Variants in DDX31 observed in about 807,000 individuals in gnomAD.
DDX31 encodes the protein DEAD-box helicase 31.
DDX31 carries 70 observed loss-of-function variants against 91.3 expected under a neutral mutation model. The observed-to-expected ratio is 0.77, with a 90% CI of 0.63 to 0.94. The LOEUF (loss-of-function observed/expected upper bound fraction) is 0.94. DDX31 is among the 40% of genes least tolerant of loss of function. The pLI is 0.00. For missense variants in DDX31, 902 were observed against 925.0 expected, an observed-to-expected ratio of 0.98 and a Z score of 0.32; for synonymous variants, 362 against 350.6, an observed-to-expected ratio of 1.03 and a Z score of -0.36.
intron 1 of DDX31, among the ~76,000 whole-genome samples, chr9:132,668,560 G>A (rs1835468923): frequency 7.8e-6 from 1 of 128,074 alleles, no homozygotes; most frequent in Non-Finnish European, 1.6e-5. Flanking sequence ...CAAGGTGGTC[G>A]GGGTGCAGCT....
chr9:132,618,122 G>A (rs751930135), intron 18 of DDX31, among the ~76,000 whole-genome samples: 2 of 152,150 alleles, frequency 1.3e-5, no homozygotes, highest in African/African-American at 2.4e-5. Context: ...GCAAAACATG[G>A]GGAAGGATGA....
chr9:132,666,594 C>T (rs1835322383), intron 1 of DDX31, among the ~76,000 whole-genome samples: 1 of 152,128 alleles, frequency 6.6e-6, no homozygotes, highest in South Asian at 2.1e-4. Flanking sequence ...TCTCTGCTCA[C>T]TGCAACCTCC....
chr9:132,634,196 A>C (rs984312038), intron 14 of DDX31, among the ~76,000 whole-genome samples: 5 of 152,210 alleles, frequency 3.3e-5, no homozygotes, highest in African/African-American at 4.8e-5. Flanking sequence ...TGGCTTTAAC[A>C]ATGAATTCTT....
chr9:132,613,511 T>C (rs1169472036), intron 18 of DDX31, among the ~76,000 whole-genome samples: 1 of 152,068 alleles, frequency 6.6e-6, no homozygotes, highest in Non-Finnish European at 1.5e-5. Context: ...CTGGCCAACA[T>C]GGTGAAACCC....
chr9:132,659,589 C>T, intron 5 of DDX31, 121 bp downstream of exon 5: 2 of 867,172 alleles, frequency 2.3e-6, no homozygotes, highest in South Asian at 3.2e-5. Context: ...AAAGCATGGC[C>T]TCCCTCCCCC....
At chr9:132,639,396 T>C (rs1390931417) in intron 14 of DDX31, among the ~76,000 whole-genome samples, 1 of 152,130 alleles carries the variant, frequency 6.6e-6, no homozygotes, top group African/African-American at 2.4e-5. Context: ...TGGAGTGACC[T>C]GGACTAGAAA....
chr9:132,594,940 G>A lies in DDX31; in HGVS notation c.2167C>T (p.Arg723Cys), dbSNP rs377747166. The change falls in exon 20 of 20, where the codon CGT (arginine) becomes TGT (cysteine). Residue 723 changes from arginine to cysteine, a missense_variant. By Grantham distance (180) the Arg-to-Cys change is radical. Coordinates refer to ENST00000372159, the MANE Select transcript of DDX31 (RefSeq NM_022779.9). ...HSLQPTPCFG[R>C]GKTLKWRKTQ... is the part of the protein sequence containing the mutation. ...TTTCTCCATTTTAATGTTTTCCCAC[G>A]GCCAAAGCAGGGTGTCGGCTGCAGA... 8 of 1,613,992 alleles carry A rather than the reference G, an allele frequency of 5.0e-6. No individual in the cohort carries two copies. Among genetic ancestry groups the A allele is most frequent in the Non-Finnish European group, 3.4e-6 (4 of 1,180,038 alleles).
chr9:132,630,432 TCATA>T (rs1379077118), intron 15 of DDX31, 29 bp from the exon 16 acceptor site: 1 of 1,569,774 alleles, frequency 6.4e-7, no homozygotes, highest in South Asian at 1.1e-5. Context: ...ATGAAGGCAT[TCATA>T]GATCAAGGGA....
rs1168334593 is a variant in DDX31, at chr9:132,662,625, G to C, written c.146C>G (p.Thr49Ser). The C allele has an allele frequency of 6.2e-7, 1 of 1,614,106 alleles. No homozygotes were observed. The highest frequency in any genetic ancestry group is 8.5e-7 in the Non-Finnish European group (1 of 1,180,042). The change falls in exon 2 of 20, where the codon ACT becomes AGT. Residue 49 changes from threonine (T) to serine (S), a missense_variant. Coordinates refer to ENST00000372159, the MANE Select transcript of DDX31 (RefSeq NM_022779.9). Reference sequence around the variant, plus strand: ...AGTTTTCTTGGCTGGGAGAAATGAAGTTTCGTTCCTCCGTTTCGCTGGGGG... The same window carrying C: ...AGTTTTCTTGGCTGGGAGAAATGAACTTTCGTTCCTCCGTTTCGCTGGGGG... ...EAPPAKRRNE[T>S]SFLPAKKTSV... is the part of the protein sequence containing the mutation.
intron 15 of DDX31, 71 bp downstream of exon 15, chr9:132,631,970 T>C: frequency 2.9e-6 from 4 of 1,373,120 alleles, no homozygotes; most frequent in Non-Finnish European, 4.1e-6. Context: ...TTATTCTACT[T>C]AAAGCCAATG....
intron 19 of DDX31, 65 bp downstream of exon 19, chr9:132,612,022 A>G (rs906322213): frequency 6.4e-7 from 1 of 1,556,946 alleles, no homozygotes; most frequent in African/African-American, 1.4e-5. Context: ...CATGGCAGCT[A>G]GCACATCACA....
intron 18 of DDX31, among the ~76,000 whole-genome samples, chr9:132,616,344 G>C (rs892412267): frequency 3.9e-5 from 6 of 152,160 alleles, no homozygotes; most frequent in African/African-American, 1.4e-4. Context: ...AAAGACAAGT[G>C]ACCCTGCTTG....
At position 132,630,276 on chromosome 9, in the gene DDX31, G is replaced by T. The variant is rs187073347; in HGVS notation, c.1619C>A (p.Ser540Tyr). 1.4e-4 allele frequency: 222 copies of T among 1,576,062 alleles called. 1 individual carries two copies. In the Admixed American group the frequency reaches 3.8e-3, roughly 27 times the overall value. Residue 540 changes from serine to tyrosine, a missense_variant, in exon 16 of 20, where the codon TCT becomes TAT. Transcript: ENST00000372159. ...SEAEYVNSLA[S>Y]HKINVSEIKM... ...GTTTCTGACTCACTTGATTTTGTGA[G>T]AAGCCAACGAGTTGACATATTCTGC... is the stretch of plus-strand genomic sequence containing the variant.
chr9:132,661,369 C>A, intron 3 of DDX31, 118 bp from the exon 4 acceptor site: 1 of 889,964 alleles, frequency 1.1e-6, no homozygotes, highest in Non-Finnish European at 1.7e-6. Context: ...AAATTAAGTT[C>A]CTCCACCCAG....
chr9:132,631,291 A>G (rs946707304), intron 15 of DDX31, among the ~76,000 whole-genome samples: 3 of 152,180 alleles, frequency 2.0e-5, no homozygotes, highest in Admixed American at 2.0e-4. Flanking sequence ...TAAATGATCA[A>G]TTCTGTATGT....
At chr9:132,632,304 G>GCATACAA (rs1428873245) in intron 14 of DDX31, among the ~76,000 whole-genome samples, 1 of 51,170 alleles carries the variant, frequency 2.0e-5, no homozygotes, top group African/African-American at 4.7e-5. Flanking sequence ...ACACAGTCCT[G>GCATACAA]CATACAACTT....
intron 19 of DDX31, among the ~76,000 whole-genome samples, chr9:132,604,008 T>C (rs920554556): frequency 1.3e-5 from 2 of 152,108 alleles, no homozygotes; most frequent in Non-Finnish European, 2.9e-5. Context: ...TAAAAAGCTG[T>C]GTGTGCACAG....
chr9:132,656,675 T>C (rs1241450746), intron 6 of DDX31, among the ~76,000 whole-genome samples: 4 of 152,162 alleles, frequency 2.6e-5, no homozygotes, highest in Non-Finnish European at 4.4e-5. Context: ...TCCCCTGATA[T>C]GTATGTCATC....
intron 19 of DDX31, among the ~76,000 whole-genome samples, chr9:132,606,881 C>T (rs184086362): frequency 2.0e-5 from 3 of 152,250 alleles, no homozygotes; most frequent in Non-Finnish European, 2.9e-5. Context: ...GTTAGCTCTT[C>T]CCAGGTATTA....
Sources: allele counts gnomAD v4.1 joint callset (sites outside exome capture counted in the v4.1 genomes callset), GRCh38; gene constraint gnomAD v4.1.1; transcripts MANE v1.5; gene names NCBI Gene and HGNC (gene_info 2026-07-23, HGNC 2026-07-21).